NUDCD3: variants seen among roughly 807,000 people sequenced by gnomAD.
NUDCD3 encodes nudC domain-containing protein 3.
In NUDCD3, 13 loss-of-function variants were observed where a neutral mutation model predicts 39.7. That is an observed-to-expected ratio of 0.33 (90% confidence interval 0.21 to 0.52). NUDCD3 has a LOEUF of 0.52. Among genes scored for constraint, NUDCD3 ranks in the 20% least tolerant of loss-of-function variants. NUDCD3 has a pLI of 0.96. For synonymous variants in NUDCD3, 175 were observed against 172.4 expected, an observed-to-expected ratio of 1.02 and a Z score of -0.12; for missense variants, 453 against 458.1, an observed-to-expected ratio of 0.99 and a Z score of 0.10.
intron 4 of NUDCD3, among the ~76,000 whole-genome samples, chr7:44,399,673 T>C (rs1453361827): frequency 6.6e-6 from 1 of 152,050 alleles, no homozygotes; most frequent in African/African-American, 2.4e-5. Flanking sequence ...TGTGGGGATA[T>C]AGGGCTAATG....
At chr7:44,392,155 C>T in intron 5 of NUDCD3, 142 bp downstream of exon 5, 7 of 727,640 alleles carry the variant, frequency 9.6e-6, no homozygotes, top group Non-Finnish European at 1.4e-5. Context: ...AAGACAGGTT[C>T]CTTGCTAGGC....
intron 2 of NUDCD3, among the ~76,000 whole-genome samples, chr7:44,437,636 G>T (rs1799492784): frequency 6.6e-6 from 1 of 152,066 alleles, no homozygotes; most frequent in Non-Finnish European, 1.5e-5. Context: ...AGTCAGGAAG[G>T]CTCCTTTTAA....
At chr7:44,480,130 ACTAACT>A (rs1359133003) in intron 2 of NUDCD3, among the ~76,000 whole-genome samples, 1 of 152,182 alleles carries the variant, frequency 6.6e-6, no homozygotes, top group Non-Finnish European at 1.5e-5. Context: ...AACTCACAAA[ACTAACT>A]CTAATTCTAA....
At chr7:44,417,154 C>T (rs1479908158) in intron 3 of NUDCD3, among the ~76,000 whole-genome samples, 1 of 152,224 alleles carries the variant, frequency 6.6e-6, no homozygotes, top group African/African-American at 2.4e-5. Flanking sequence ...CAAAGCACAG[C>T]CCACACGTTT....
chr7:44,403,572 G>A lies in NUDCD3; in HGVS notation c.786+868C>T, dbSNP rs139761925. On this transcript the variant is annotated intron_variant, in intron 4 of 5. Transcript: ENST00000355451. Reference sequence around the variant, plus strand: ...GCATGTCCCTCCGAGCATGAGGACAGCCAGGACAGAGTCACTGTGAGCCTG... The same window carrying A: ...GCATGTCCCTCCGAGCATGAGGACAACCAGGACAGAGTCACTGTGAGCCTG... 2.3e-3 allele frequency among the ~76,000 whole-genome samples: 346 copies of A among 152,318 alleles called. 1 individual carries two copies. In the Middle Eastern group the frequency reaches 0.024, roughly 10 times the overall value.
In NUDCD3 at chr7:44,404,591, C is replaced by A. The variant is rs1293553960; in HGVS notation, c.643-8G>T. ...GCTAAGGGCCACTGAGACCTGGGGA[C>A]ACAGCAGAAGAAAATCATCTCTCCT... On this transcript the variant is annotated splice_region_variant and splice_polypyrimidine_tract_variant and intron_variant, in intron 3 of 5. Transcript: ENST00000355451. The A allele has an allele frequency of 4.3e-6, 7 of 1,612,874 alleles. No homozygotes were observed. The highest frequency in any genetic ancestry group is 5.9e-6 in the Non-Finnish European group (7 of 1,179,756).
At chr7:44,445,384 G>A (rs1799673165) in intron 2 of NUDCD3, among the ~76,000 whole-genome samples, 1 of 152,312 alleles carries the variant, frequency 6.6e-6, no homozygotes, top group African/African-American at 2.4e-5. Flanking sequence ...GACATGCACA[G>A]TGTGGTCCCT....
chr7:44,476,947 G>T (rs1800383169), intron 2 of NUDCD3, among the ~76,000 whole-genome samples: 1 of 152,128 alleles, frequency 6.6e-6, no homozygotes, highest in Admixed American at 6.5e-5. Context: ...AGTCAGGAGG[G>T]AGCAGCCTGA....
intron 3 of NUDCD3, among the ~76,000 whole-genome samples, chr7:44,405,821 C>T (rs916985192): frequency 2.0e-5 from 3 of 152,122 alleles, no homozygotes; most frequent in Non-Finnish European, 4.4e-5. Flanking sequence ...TTAAGAGACA[C>T]GGCCTCACTG....
intron 3 of NUDCD3, among the ~76,000 whole-genome samples, chr7:44,405,194 G>T (rs113965237): frequency 2.6e-5 from 4 of 152,276 alleles, no homozygotes; most frequent in African/African-American, 9.6e-5. Flanking sequence ...CTCGCACATG[G>T]TTTTGCATTT....
intron 2 of NUDCD3, among the ~76,000 whole-genome samples, chr7:44,481,911 C>T (rs1469691868): frequency 6.6e-6 from 1 of 152,132 alleles, no homozygotes; most frequent in Non-Finnish European, 1.5e-5. Context: ...TTTGAGGACA[C>T]AGCAAGGTAA....
At chr7:44,446,381 A>G (rs1799691178) in intron 2 of NUDCD3, among the ~76,000 whole-genome samples, 1 of 152,240 alleles carries the variant, frequency 6.6e-6, no homozygotes. Flanking sequence ...GCTAGCTGAA[A>G]TCTCTGCAAA....
intron 2 of NUDCD3, among the ~76,000 whole-genome samples, chr7:44,447,966 T>C (rs986842021): frequency 1.3e-5 from 2 of 152,150 alleles, no homozygotes; most frequent in African/African-American, 4.8e-5. Flanking sequence ...TGGTCTATAG[T>C]CACATACCCT....
At chr7:44,443,539 T>C (rs193278182) in intron 2 of NUDCD3, among the ~76,000 whole-genome samples, 166 of 152,328 alleles carry the variant, frequency 1.1e-3, no homozygotes, top group African/African-American at 3.8e-3. Flanking sequence ...GTCTCCTCAA[T>C]AGCTGGGATT....
intron 3 of NUDCD3, among the ~76,000 whole-genome samples, chr7:44,407,631 G>GA (rs1394127250): frequency 4.7e-5 from 7 of 147,526 alleles, no homozygotes; most frequent in Non-Finnish European, 9.0e-5. Context: ...ACAGGCAGAT[G>GA]AAAACAAGTT....
intron 2 of NUDCD3, among the ~76,000 whole-genome samples, chr7:44,450,298 C>A (rs1431544010): frequency 6.6e-6 from 1 of 151,924 alleles, no homozygotes; most frequent in Non-Finnish European, 1.5e-5. Flanking sequence ...GTGCCTCAGC[C>A]TCCCCAGTAG....
chr7:44,412,336 A>G (rs1403115128), intron 3 of NUDCD3, among the ~76,000 whole-genome samples: 2 of 152,258 alleles, frequency 1.3e-5, no homozygotes, highest in Non-Finnish European at 2.9e-5. Flanking sequence ...ACAACTTGTA[A>G]CAGATGGTGT....
In NUDCD3 at chr7:44,389,445, G is replaced by A. The variant is rs1172693881; in HGVS notation, c.975+2852C>T. On this transcript the variant is annotated intron_variant, in intron 5 of 5. Transcript: ENST00000355451. The stretch of plus-strand genomic sequence containing the variant: ...TGTAATCCCAGCACTTTGGGAGGCC[G>A]AGGCGGGCGGATCACGAGGTCAGGA... Among the ~76,000 whole-genome samples, 7 of 152,104 alleles carry A rather than the reference G, an allele frequency of 4.6e-5. No individual in the cohort carries two copies. In the East Asian group the frequency reaches 7.7e-4, roughly 17 times the overall value.
chr7:44,467,946 C>G (rs1050043989), intron 2 of NUDCD3: 6 of 1,609,772 alleles, frequency 3.7e-6, no homozygotes, highest in Non-Finnish European at 5.1e-6. Context: ...AAAAAGAGAA[C>G]CAAGAAGTTC....
Sources: gnomAD v4.1 joint callset for allele counts (sites outside exome capture counted in the v4.1 genomes callset) on GRCh38, gnomAD v4.1.1 for gene constraint, MANE v1.5 for transcripts, NCBI Gene and HGNC (gene_info 2026-07-23, HGNC 2026-07-21) for gene names.